PPP2R1A: variants seen among roughly 807,000 people sequenced by gnomAD.
PPP2R1A encodes serine/threonine-protein phosphatase 2A 65 kDa regulatory subunit A alpha isoform.
A neutral mutation model predicts 67.1 loss-of-function variants in PPP2R1A; 15 were observed. The ratio of observed to expected loss-of-function variants is 0.22; its 90% CI spans 0.15 to 0.34. The LOEUF (loss-of-function observed/expected upper bound fraction) is 0.34, where lower values mean the gene tolerates loss of function less well. PPP2R1A is among the 10% of genes least tolerant of loss of function. PPP2R1A has a pLI of 1.00. For missense variants in PPP2R1A, 369 were observed against 775.0 expected, an observed-to-expected ratio of 0.48 and a Z score of 6.22; for synonymous variants, 337 against 325.0, an observed-to-expected ratio of 1.04 and a Z score of -0.40.
chr19:52,213,121 G>A lies in PPP2R1A; in HGVS notation c.807+11G>A, dbSNP rs370859682. On this transcript the variant is annotated intron_variant, in intron 6 of 14. Transcript: ENST00000322088. The surrounding 1 kb of genome is among the most constrained non-coding windows in gnomAD (Gnocchi z 4.2). ...GACAAGTTCACAGAGGTAGATGAGC[G>A]ACCGTTGACATTGTCCCACTGGTGG... is the stretch of plus-strand genomic sequence containing the variant. 2.8e-5 allele frequency: 43 copies of A among 1,544,410 alleles called. No homozygotes were observed. The African/African-American group carries it at 4.2e-4, about 15-fold the overall frequency.
At chr19:52,190,854 CATTT>C (rs1568583425) in intron 1 of PPP2R1A, among the ~76,000 whole-genome samples, 2 of 152,104 alleles carry the variant, frequency 1.3e-5, no homozygotes, top group Admixed American at 6.6e-5. Context: ...AGCAGATGAA[CATTT>C]ATTTATTTCT....
intron 13 of PPP2R1A, among the ~76,000 whole-genome samples, chr19:52,223,616 CAGCATCATT>C (rs1180329810): frequency 6.6e-6 from 1 of 152,182 alleles, no homozygotes; most frequent in East Asian, 1.9e-4. Flanking sequence ...CAAGGGTGTT[CAGCATCATT>C]AGCCTTCAGG....
At position 52,229,405 on chromosome 19, in the gene PPP2R1A, A is replaced by G. The variant is rs1979441933; in HGVS notation, c.*3424A>G. On this transcript the variant is annotated 3_prime_UTR_variant, in exon 15 of 15. Coordinates refer to ENST00000322088, the MANE Select transcript of PPP2R1A (RefSeq NM_014225.6). ...GGTTGCAGTGAGCCTAGATTGGGCC[A>G]TTGCACTCCAGCCAGGGTGACAGAG... 6.6e-6 allele frequency: 1 copy of G among 152,362 alleles called. No homozygotes were observed. The highest frequency in any genetic ancestry group is 1.5e-5 in the Non-Finnish European group (1 of 68,100). The allele number at this position is 152,362 out of a possible 1,614,324, so 9.4% of individuals were successfully genotyped here.
At chr19:52,220,282 T>C (rs182058582) in intron 11 of PPP2R1A, 33 bp downstream of exon 11, 1 of 1,606,836 alleles carries the variant, frequency 6.2e-7, no homozygotes, top group Non-Finnish European at 8.5e-7. Context: ...CAAGAGGAGA[T>C]GGGAGCTCCA....
At chr19:52,196,253 A>G (rs1335214592) in intron 1 of PPP2R1A, among the ~76,000 whole-genome samples, 1 of 152,212 alleles carries the variant, frequency 6.6e-6, no homozygotes, top group African/African-American at 2.4e-5. Flanking sequence ...TGATATTAAT[A>G]GATTTTCTAT....
chr19:52,209,587 C>G (rs1295249073), intron 3 of PPP2R1A, among the ~76,000 whole-genome samples: 1 of 151,508 alleles, frequency 6.6e-6, no homozygotes, highest in Non-Finnish European at 1.5e-5. Flanking sequence ...TAGGTTTATT[C>G]ACATTGTGCA....
chr19:52,208,456 A>G (rs2122320657), intron 3 of PPP2R1A, among the ~76,000 whole-genome samples: 1 of 152,068 alleles, frequency 6.6e-6, no homozygotes, highest in East Asian at 1.9e-4. Context: ...GGTGTGAGCC[A>G]CCGTGCCTGG....
In PPP2R1A at chr19:52,212,125, A is replaced by T. The variant is rs1165966139; in HGVS notation, c.504-561A>T. Among the ~76,000 whole-genome samples the T allele has an allele frequency of 2.6e-5, 4 of 152,248 alleles. No homozygotes were observed. Among genetic ancestry groups the T allele is most frequent in the Non-Finnish European group, 5.9e-5 (4 of 68,046 alleles). On this transcript the variant is annotated intron_variant, in intron 4 of 14. Coordinates refer to ENST00000322088, the MANE Select transcript of PPP2R1A (RefSeq NM_014225.6). This position sits in a 1 kb window ranked among gnomAD's most constrained non-coding sequence, Gnocchi z 4.1. ...TTTTGAGATAGGATCTCGCTCTGTC[A>T]TCCAGGCTGAAGTGCACTGGTGCAG...
intron 1 of PPP2R1A, among the ~76,000 whole-genome samples, chr19:52,198,511 G>A (rs191477272): frequency 2.6e-5 from 4 of 152,054 alleles, no homozygotes; most frequent in Admixed American, 2.0e-4. Flanking sequence ...TAGGTTTACC[G>A]GTTTATTATA....
Position 52,190,073 on chromosome 19 carries a change from T to G in PPP2R1A, c.-24T>G, listed in dbSNP as rs1226525943. On this transcript the variant is annotated 5_prime_UTR_variant, in exon 1 of 15. Coordinates refer to ENST00000322088, the MANE Select transcript of PPP2R1A (RefSeq NM_014225.6). Reference sequence around the variant, plus strand: ...TTTCAGCACAGCGCTGGCCGCAGTCTGACAGGAAAGGGACGGAGCCAAGAT... The same window carrying G: ...TTTCAGCACAGCGCTGGCCGCAGTCGGACAGGAAAGGGACGGAGCCAAGAT... The G allele has an allele frequency of 4.6e-6, 7 of 1,535,320 alleles. No homozygotes were observed. In the East Asian group the frequency reaches 1.7e-4, roughly 38 times the overall value.
At chr19:52,204,273 C>A (rs2089580423) in intron 2 of PPP2R1A, among the ~76,000 whole-genome samples, 1 of 152,172 alleles carries the variant, frequency 6.6e-6, no homozygotes, top group African/African-American at 2.4e-5. Flanking sequence ...GATCAGGTTT[C>A]TTTGAAACTA....
chr19:52,204,854 C>T (rs904138215), intron 2 of PPP2R1A, among the ~76,000 whole-genome samples: 9 of 152,116 alleles, frequency 5.9e-5, no homozygotes, highest in African/African-American at 1.9e-4. Flanking sequence ...CTTTAGTCTC[C>T]GAACAACCCT....
At chr19:52,222,825 T>C (rs763597972) in intron 13 of PPP2R1A, among the ~76,000 whole-genome samples, 10 of 152,192 alleles carry the variant, frequency 6.6e-5, no homozygotes, top group Non-Finnish European at 1.2e-4. Flanking sequence ...TGCAGTGAGC[T>C]GAGATCATGC....
chr19:52,216,707 G>T lies in PPP2R1A; in HGVS notation c.1128+44G>T, dbSNP rs369086302. The T allele has an allele frequency of 9.4e-5, 151 of 1,613,662 alleles. No homozygotes were observed. The highest frequency in any genetic ancestry group is 1.2e-4 in the Non-Finnish European group (141 of 1,179,794). The stretch of plus-strand genomic sequence containing the variant: ...CAGCTCTGGGTTTGTGGAGGGGACA[G>T]GCGGGTCTTCCTAGATTGCTAGGGT... On this transcript the variant is annotated intron_variant, in intron 9 of 14. Transcript: ENST00000322088. The surrounding 1 kb of genome is among the most constrained non-coding windows in gnomAD (Gnocchi z 4.3).
intron 14 of PPP2R1A, 65 bp downstream of exon 14, chr19:52,225,873 T>C (rs2122382446): frequency 6.2e-7 from 1 of 1,612,644 alleles, no homozygotes; most frequent in Non-Finnish European, 8.5e-7. Flanking sequence ...ACTGGGCCTG[T>C]GGGCAGCAGC....
At chr19:52,194,804 C>T (rs1188277777) in intron 1 of PPP2R1A, among the ~76,000 whole-genome samples, 4 of 152,066 alleles carry the variant, frequency 2.6e-5, no homozygotes, top group Admixed American at 6.5e-5. Context: ...TGTGAAGATG[C>T]AGTGAAATTG....
At chr19:52,192,624 T>C (rs1477579630) in intron 1 of PPP2R1A, among the ~76,000 whole-genome samples, 1 of 152,086 alleles carries the variant, frequency 6.6e-6, no homozygotes, top group Non-Finnish European at 1.5e-5. Flanking sequence ...AGTTTTTTGT[T>C]TTTTTTAACT....
In PPP2R1A at chr19:52,222,228, A is replaced by G. The variant is rs1375350103; in HGVS notation, c.1648A>G (p.Ile550Val). 8.7e-6 allele frequency: 14 copies of G among 1,613,980 alleles called. No individual in the cohort carries two copies. Among genetic ancestry groups the G allele is most frequent in the African/African-American group, 2.7e-5 (2 of 74,926 alleles). ...VAKSLQKIGP[I>V]LDNSTLQSEV... is the part of the protein sequence containing the mutation. The stretch of plus-strand genomic sequence containing the variant: ...CAAGTCTCTGCAGAAGATAGGGCCC[A>G]TCCTGGACAACAGGTGAGGTCTGGA... The change falls in exon 13 of 15, where the codon ATC (isoleucine) becomes GTC (valine). Residue 550 changes from isoleucine (I) to valine (V), a missense_variant. Around this residue, in one of 2 missense-constraint regions of PPP2R1A, gnomAD observed 276 missense variants for 508.4 expected, o/e 0.54. Transcript: ENST00000322088.
chr19:52,202,190 C>A (rs540916730), intron 2 of PPP2R1A, among the ~76,000 whole-genome samples, 156 bp downstream of exon 2: 1 of 152,304 alleles, frequency 6.6e-6, no homozygotes, highest in African/African-American at 2.4e-5. Context: ...GAAGTGCAGT[C>A]TTGCTCTAAA....
Sources: gnomAD v4.1 joint callset for allele counts (sites outside exome capture counted in the v4.1 genomes callset) on GRCh38, gnomAD v4.1.1 for gene constraint, gnomAD v4.1.1 regional missense constraint, Gnocchi (gnomAD v3.1) non-coding constraint, MANE v1.5 for transcripts, NCBI Gene and HGNC (gene_info 2026-07-23, HGNC 2026-07-21) for gene names.